Variants in LOC400499 observed in about 807,000 individuals in gnomAD.
the LOC400499 span, among the ~76,000 whole-genome samples, chr16:11,487,005 G>A: frequency 3.3e-5 from 5 of 151,680 alleles, no homozygotes; most frequent in South Asian, 2.1e-4. Context: ...AGGGATGTGC[G>A]TGGATGGACG....
the LOC400499 span, among the ~76,000 whole-genome samples, chr16:11,510,682 G>C: frequency 6.6e-6 from 1 of 151,620 alleles, no homozygotes; most frequent in East Asian, 1.9e-4. Flanking sequence ...AGCCCCGGCA[G>C]TGCTCAGCAC....
At chr16:11,422,133 G>T in the LOC400499 span, among the ~76,000 whole-genome samples, 94 of 152,310 alleles carry the variant, frequency 6.2e-4, 1 homozygote, top group African/African-American at 2.2e-3. Context: ...TGGGTACATG[G>T]CCCATGCCTG....
chr16:11,492,680 G>C, the LOC400499 span, among the ~76,000 whole-genome samples: 1 of 152,024 alleles, frequency 6.6e-6, no homozygotes, highest in Non-Finnish European at 1.5e-5. Flanking sequence ...ACCTACTCAG[G>C]AGGCTGAGGC....
the LOC400499 span, among the ~76,000 whole-genome samples, chr16:11,497,929 C>T: frequency 6.6e-6 from 1 of 152,138 alleles, no homozygotes; most frequent in Admixed American, 6.5e-5. Context: ...GTTTAAAATA[C>T]TCACTTTTTC....
chr16:11,403,777 C>T, the LOC400499 span, among the ~76,000 whole-genome samples: 1 of 152,216 alleles, frequency 6.6e-6, no homozygotes, highest in Non-Finnish European at 1.5e-5. Context: ...TCTGGAGGAC[C>T]CAGGGGCTCA....
the LOC400499 span, among the ~76,000 whole-genome samples, chr16:11,504,326 C>T: frequency 6.6e-6 from 1 of 152,092 alleles, no homozygotes; most frequent in Non-Finnish European, 1.5e-5. Context: ...GAGGCCGAGC[C>T]GGGTGGATCA....
chr16:11,492,770 G>C, the LOC400499 span, among the ~76,000 whole-genome samples: 1 of 139,768 alleles, frequency 7.2e-6, no homozygotes, highest in African/African-American at 2.9e-5. Flanking sequence ...GGGTGACAGA[G>C]TGAGACTCCG....
At chr16:11,431,199 G>A in the LOC400499 span, 1 of 399,024 alleles carries the variant, frequency 2.5e-6, no homozygotes, top group Non-Finnish European at 4.4e-6. Context: ...CTGTGTTCTG[G>A]TCCAGCAGTG....
chr16:11,390,473 G>A, the LOC400499 span: 6 of 1,237,786 alleles, frequency 4.8e-6, no homozygotes, highest in South Asian at 2.0e-4. Flanking sequence ...CCTGCAACAG[G>A]CAGCCACCAC....
At chr16:11,420,972 G>C in the LOC400499 span, among the ~76,000 whole-genome samples, 1 of 152,184 alleles carries the variant, frequency 6.6e-6, no homozygotes, top group African/African-American at 2.4e-5. Context: ...AGGGCCCAGG[G>C]CTGGACTTGT....
the LOC400499 span, among the ~76,000 whole-genome samples, chr16:11,506,105 C>T: frequency 1.3e-5 from 2 of 152,054 alleles, no homozygotes; most frequent in African/African-American, 2.4e-5. Context: ...GGAGTGATCT[C>T]GGCTCACTGT....
chr16:11,373,727 C>A, the LOC400499 span, among the ~76,000 whole-genome samples: 3 of 152,194 alleles, frequency 2.0e-5, no homozygotes, highest in African/African-American at 7.2e-5. Context: ...TCAAGTGATT[C>A]TCTTGCCTCA....
the LOC400499 span, chr16:11,459,808 G>A: frequency 2.5e-6 from 3 of 1,211,614 alleles, no homozygotes; most frequent in East Asian, 9.3e-5. Flanking sequence ...CTTGTAGCCA[G>A]GGCCAGAGGG....
chr16:11,425,513 G>A, the LOC400499 span: 2 of 398,166 alleles, frequency 5.0e-6, no homozygotes, highest in Non-Finnish European at 8.8e-6. Flanking sequence ...AAAAGAATTT[G>A]GGGGTAAGAA....
At chr16:11,381,568 C>G in the LOC400499 span, among the ~76,000 whole-genome samples, 1 of 152,338 alleles carries the variant, frequency 6.6e-6, no homozygotes, top group African/African-American at 2.4e-5. Context: ...TGCAAATACT[C>G]TGCCTCTGTA....
At chr16:11,509,492 T>C in the LOC400499 span, among the ~76,000 whole-genome samples, 1 of 151,682 alleles carries the variant, frequency 6.6e-6, no homozygotes, top group Non-Finnish European at 1.5e-5. Flanking sequence ...AGCCATCGAG[T>C]GACCAAGGCA....
At chr16:11,417,949 G>T in the LOC400499 span, 1 of 397,464 alleles carries the variant, frequency 2.5e-6, no homozygotes, top group Non-Finnish European at 4.4e-6. Context: ...CATCCACGTC[G>T]CTGTGATGGG....
chr16:11,505,722 T>C, the LOC400499 span, among the ~76,000 whole-genome samples: 1 of 152,146 alleles, frequency 6.6e-6, no homozygotes, highest in African/African-American at 2.4e-5. Context: ...GTGCTGTGTT[T>C]ACAGGTGTGA....
At chr16:11,395,076 C>T in the LOC400499 span, among the ~76,000 whole-genome samples, 7 of 152,246 alleles carry the variant, frequency 4.6e-5, no homozygotes, top group African/African-American at 1.7e-4. Context: ...ACAATGTGAT[C>T]TTGCCAGGCA....
Sources: gnomAD v4.1 joint callset for allele counts (sites outside exome capture counted in the v4.1 genomes callset) on GRCh38, gnomAD v4.1.1 for gene constraint, MANE v1.5 for transcripts.